DNAH7: variants seen among roughly 807,000 people sequenced by gnomAD.
The protein encoded by DNAH7 is axonemal beta dynein heavy chain 7.
DNAH7 carries 397 observed loss-of-function variants against 444.6 expected under a neutral mutation model. That is an observed-to-expected ratio of 0.89 (90% CI 0.82 to 0.97). DNAH7 has a LOEUF of 0.97. Among genes scored for constraint, DNAH7 ranks in the 50% least tolerant of loss-of-function variants. The probability of loss-of-function intolerance (pLI) is 0.00; values close to 1 mark genes in which losing one functional copy is unlikely to be tolerated. For synonymous variants in DNAH7, 1,636 were observed against 1,624.4 expected (o/e 1.01, Z -0.17); for missense variants, 4,902 against 4,800.8 (o/e 1.02, Z -0.62).
intron 47 of DNAH7, among the ~76,000 whole-genome samples, chr2:195,835,195 C>T (rs1328799367): frequency 6.6e-6 from 1 of 152,064 alleles, no homozygotes; most frequent in Non-Finnish European, 1.5e-5. Flanking sequence ...TTTCAATCAA[C>T]ACAAGCTCTA....
intron 17 of DNAH7, among the ~76,000 whole-genome samples, chr2:195,967,731 T>A (rs923662391): frequency 1.3e-5 from 2 of 152,214 alleles, no homozygotes; most frequent in Admixed American, 6.5e-5. Context: ...GGAGCTCCAT[T>A]GTGTGCTATT....
intron 19 of DNAH7, among the ~76,000 whole-genome samples, chr2:195,941,391 G>A (rs1181234431): frequency 6.7e-6 from 1 of 149,928 alleles, no homozygotes; most frequent in East Asian, 1.9e-4. Context: ...GGCAAGAGGA[G>A]GGAGAGCATT....
intron 5 of DNAH7, among the ~76,000 whole-genome samples, chr2:196,037,902 T>C (rs1445133862): frequency 6.6e-6 from 1 of 152,034 alleles, no homozygotes. Flanking sequence ...GATCCCCAAA[T>C]AGATTCAATC....
intron 20 of DNAH7, among the ~76,000 whole-genome samples, chr2:195,936,053 T>A (rs919258016): frequency 6.6e-6 from 1 of 152,124 alleles, no homozygotes; most frequent in Non-Finnish European, 1.5e-5. Flanking sequence ...AAGAGCTGTG[T>A]TCTGAAAAAT....
chr2:195,895,813 A>G (rs561823091), intron 29 of DNAH7, among the ~76,000 whole-genome samples: 2 of 152,290 alleles, frequency 1.3e-5, no homozygotes, highest in African/African-American at 4.8e-5. Flanking sequence ...CCATATACAT[A>G]CTACTTTTTC....
intron 60 of DNAH7, 142 bp downstream of exon 60, chr2:195,775,704 T>A (rs1695029764): frequency 1.2e-6 from 1 of 867,388 alleles, no homozygotes. Flanking sequence ...TTATTTAAGT[T>A]ATGTATGTAT....
chr2:195,884,107 A>G (rs2125187372), intron 35 of DNAH7, among the ~76,000 whole-genome samples: 1 of 152,320 alleles, frequency 6.6e-6, no homozygotes, highest in South Asian at 2.1e-4. Context: ...CCTCAGTACA[A>G]TACTTGTGGG....
In DNAH7 at chr2:195,890,796, T is replaced by A. The variant is rs140170977; in HGVS notation, c.5046+859A>T. On this transcript the variant is annotated intron_variant, in intron 31 of 64. Coordinates refer to ENST00000312428, the MANE Select transcript of DNAH7 (RefSeq NM_018897.3). ...AGCAGAGCTGAGATTTCACGTTTTA[T>A]CCATTATTACCTGACTCATGAGTCA... 7.1e-3 allele frequency among the ~76,000 whole-genome samples: 1,084 copies of A among 152,314 alleles called. 3 individuals carry two copies. The highest frequency in any genetic ancestry group is 0.011 in the Non-Finnish European group (747 of 68,024).
chr2:196,001,851 GA>G lies in DNAH7; in HGVS notation c.996del (p.Pro333GlnfsTer36), dbSNP rs988325489. Reference sequence around the variant, plus strand: ...TGGTAATAAATATTCTGCACTTCTGGAAACCACCTTGAAAGAACAAAAGACT... The same window carrying G: ...TGGTAATAAATATTCTGCACTTCTGGAACCACCTTGAAAGAACAAAAGACT... ...SAKETLLKMW[F>X]PEVQNIYYQG... On this transcript the variant is annotated frameshift_variant, in exon 11 of 65. Coordinates refer to ENST00000312428, the MANE Select transcript of DNAH7 (RefSeq NM_018897.3). LOFTEE classifies it high-confidence loss of function. 7.5e-6 allele frequency: 12 copies of G among 1,602,000 alleles called. No homozygotes were observed. Among genetic ancestry groups the G allele is most frequent in the African/African-American group, 1.4e-5 (1 of 74,068 alleles).
At chr2:195,833,046 A>G in intron 48 of DNAH7, among the ~76,000 whole-genome samples, 1 of 152,212 alleles carries the variant, frequency 6.6e-6, no homozygotes. Context: ...ATCCAAGGAC[A>G]GTCCCCTGCC....
chr2:195,819,881 C>T (rs1287167792), intron 49 of DNAH7, among the ~76,000 whole-genome samples: 2 of 152,114 alleles, frequency 1.3e-5, no homozygotes, highest in African/African-American at 2.4e-5. Flanking sequence ...GGTCTTATGT[C>T]CAGAGAGTTT....
chr2:196,027,346 A>C (rs1051243891), intron 6 of DNAH7, among the ~76,000 whole-genome samples: 14 of 151,974 alleles, frequency 9.2e-5, no homozygotes, highest in Non-Finnish European at 1.8e-4. Context: ...AATATTATAC[A>C]ATAGGATTTA....
rs554051619 is a variant in DNAH7 at position 195,933,227 on chromosome 2, C to T, written c.3471+1364G>A. The stretch of plus-strand genomic sequence containing the variant: ...TACCATCTCACACCAGTTAGAATGG[C>T]GATCATTAAAAAGTCAGGAAACAAC... On this transcript the variant is annotated intron_variant, in intron 21 of 64. Transcript: ENST00000312428. Among the ~76,000 whole-genome samples, 237 of 152,140 alleles carry T rather than the reference C, an allele frequency of 1.6e-3. 1 individual carries two copies. The highest frequency in any genetic ancestry group is 5.1e-3 in the African/African-American group (211 of 41,500).
chr2:195,812,019 A>C (rs1439481837), intron 51 of DNAH7, among the ~76,000 whole-genome samples: 1 of 152,146 alleles, frequency 6.6e-6, no homozygotes, highest in Non-Finnish European at 1.5e-5. Context: ...GTAGAACCTA[A>C]GATTGACCTT....
rs770192166 is a variant in DNAH7, at chr2:195,960,603, G to A, written c.2548C>T (p.Arg850Cys). ...GACATGGCCTCCCAGTGCCTGGGGC[G>A]CAAACCAGGATTACAGATCACTTGA... ...LIQVICNPGL[R>C]PRHWEAMSAI... Residue 850 changes from arginine to cysteine, a missense_variant, in exon 18 of 65, where the codon CGC becomes TGC. Coordinates refer to ENST00000312428, the MANE Select transcript of DNAH7 (RefSeq NM_018897.3). The A allele has an allele frequency of 2.0e-5, 32 of 1,614,080 alleles. No homozygotes were observed. Among genetic ancestry groups the A allele is most frequent in the Middle Eastern group, 3.3e-4 (2 of 6,082 alleles).
chr2:195,848,577 A>G (rs935740879), intron 46 of DNAH7, among the ~76,000 whole-genome samples: 10 of 152,262 alleles, frequency 6.6e-5, no homozygotes, highest in African/African-American at 2.2e-4. Context: ...ACTCAGATAA[A>G]TGAAAGGCAG....
intron 12 of DNAH7, chr2:195,999,213 G>A (rs948634586): frequency 1.7e-5 from 12 of 717,186 alleles, no homozygotes; most frequent in Non-Finnish European, 2.9e-5. Context: ...TATGAGAAAA[G>A]TAAAAATGTC....
chr2:195,866,912 G>A (rs912854823), intron 40 of DNAH7, among the ~76,000 whole-genome samples: 1 of 152,088 alleles, frequency 6.6e-6, no homozygotes. Context: ...TAAGTCTCAC[G>A]AGACCTGATG....
intron 5 of DNAH7, among the ~76,000 whole-genome samples, chr2:196,041,065 C>G (rs1270115550): frequency 6.6e-6 from 1 of 151,762 alleles, no homozygotes; most frequent in Non-Finnish European, 1.5e-5. Flanking sequence ...AAGAAAATCC[C>G]TTAAAAAATG....
Sources: gnomAD v4.1 joint callset for allele counts (sites outside exome capture counted in the v4.1 genomes callset) on GRCh38, gnomAD v4.1.1 for gene constraint, MANE v1.5 for transcripts, NCBI Gene and HGNC (gene_info 2026-07-23, HGNC 2026-07-21) for gene names.